Variants in OSBPL10 observed in about 807,000 individuals in gnomAD.
OSBPL10 encodes oxysterol-binding protein-related protein 10.
OSBPL10 carries 49 observed loss-of-function variants against 81.7 expected under a neutral mutation model. The observed-to-expected ratio is 0.60, with a 90% CI of 0.48 to 0.76. The LOEUF (loss-of-function observed/expected upper bound fraction) is 0.76. Ranked by LOEUF, OSBPL10 falls within the 30% of genes least tolerant of loss-of-function variation. OSBPL10 has a pLI of 0.00. For synonymous variants in OSBPL10, 419 were observed against 383.6 expected, an observed-to-expected ratio of 1.09 and a Z score of -1.08; for missense variants, 923 against 987.8, an observed-to-expected ratio of 0.93 and a Z score of 0.88.
chr3:32,072,552 T>C (rs1262999382), intron 1 of OSBPL10, among the ~76,000 whole-genome samples: 1 of 152,220 alleles, frequency 6.6e-6, no homozygotes, highest in Non-Finnish European at 1.5e-5. Context: ...CCATGTAGGT[T>C]ACAAGCTGCT....
chr3:31,919,461 G>T (rs1407710294), intron 1 of OSBPL10: 4 of 152,168 alleles, frequency 2.6e-5, no homozygotes, highest in African/African-American at 9.7e-5. Flanking sequence ...GCAAAGACTG[G>T]AAATCCAACC....
chr3:31,969,384 G>C (rs1319003593), intron 1 of OSBPL10: 1 of 152,146 alleles, frequency 6.6e-6, no homozygotes, highest in Non-Finnish European at 1.5e-5. Context: ...GTTGTCTAAA[G>C]AGAAAGCTCT....
chr3:31,987,104 A>G (rs1698944757), intron 2 of OSBPL10, among the ~76,000 whole-genome samples: 1 of 140,656 alleles, frequency 7.1e-6, no homozygotes, highest in Non-Finnish European at 1.5e-5. Flanking sequence ...GTCCATATAT[A>G]TGTATGTGTA....
chr3:31,792,738 A>AGTGT (rs1491324366), intron 4 of OSBPL10, among the ~76,000 whole-genome samples: 3 of 104,976 alleles, frequency 2.9e-5, no homozygotes, highest in Admixed American at 9.4e-5. Context: ...ATCCAGACAC[A>AGTGT]GAGTGTGTGT....
At chr3:31,869,757 G>C (rs1701273118) in intron 3 of OSBPL10, among the ~76,000 whole-genome samples, 1 of 152,138 alleles carries the variant, frequency 6.6e-6, no homozygotes, top group African/African-American at 2.4e-5. Flanking sequence ...CTGTCATTTA[G>C]GTTCAGTTGG....
chr3:31,666,158 G>A (rs946808034), intron 10 of OSBPL10, among the ~76,000 whole-genome samples: 3 of 152,196 alleles, frequency 2.0e-5, no homozygotes, highest in Non-Finnish European at 2.9e-5. Flanking sequence ...GGCAGAGGTC[G>A]AGCAAGTGGC....
intron 6 of OSBPL10, among the ~76,000 whole-genome samples, chr3:31,732,062 A>G (rs1034847345): frequency 1.3e-5 from 2 of 152,214 alleles, no homozygotes; most frequent in African/African-American, 2.4e-5. Flanking sequence ...AGGATCTAAA[A>G]AATGATTACT....
At chr3:31,775,836 T>C (rs1415526384) in intron 4 of OSBPL10, among the ~76,000 whole-genome samples, 2 of 152,032 alleles carry the variant, frequency 1.3e-5, no homozygotes, top group South Asian at 2.1e-4. Flanking sequence ...GCTGCCACCA[T>C]GTAAGAGGGC....
chr3:31,771,888 GC>G (rs1321252966), intron 4 of OSBPL10, among the ~76,000 whole-genome samples: 1 of 152,140 alleles, frequency 6.6e-6, no homozygotes, highest in Non-Finnish European at 1.5e-5. Flanking sequence ...TTGTTATTGG[GC>G]CGCAAGAATA....
intron 3 of OSBPL10, among the ~76,000 whole-genome samples, chr3:31,871,746 C>T (rs995599196): frequency 6.6e-6 from 1 of 152,144 alleles, no homozygotes; most frequent in Admixed American, 6.5e-5. Flanking sequence ...GCCTGTGGCC[C>T]CAGCTGCTCA....
intron 1 of OSBPL10, among the ~76,000 whole-genome samples, chr3:31,885,226 TCACA>T (rs1173100488): frequency 6.6e-6 from 1 of 152,124 alleles, no homozygotes; most frequent in Non-Finnish European, 1.5e-5. Context: ...TACATGCATC[TCACA>T]CACACTATAC....
chr3:31,792,588 G>A (rs1234606203), intron 4 of OSBPL10, among the ~76,000 whole-genome samples: 1 of 152,136 alleles, frequency 6.6e-6, no homozygotes, highest in Non-Finnish European at 1.5e-5. Flanking sequence ...CTGGGTGGGT[G>A]ATTGGTGTAT....
chr3:31,876,886 A>G (rs2125632753), intron 2 of OSBPL10, among the ~76,000 whole-genome samples: 2 of 150,882 alleles, frequency 1.3e-5, no homozygotes, highest in Admixed American at 1.3e-4. Flanking sequence ...TGTAGCTAAT[A>G]TGAGTATCAA....
intron 4 of OSBPL10, among the ~76,000 whole-genome samples, chr3:31,793,939 T>A (rs1699106835): frequency 1.3e-5 from 2 of 152,232 alleles, no homozygotes; most frequent in Non-Finnish European, 2.9e-5. Flanking sequence ...GACATTGTAT[T>A]AGGCTTTAGA....
At chr3:32,045,223 A>G (rs1246604868) in intron 2 of OSBPL10, among the ~76,000 whole-genome samples, 4 of 152,168 alleles carry the variant, frequency 2.6e-5, no homozygotes, top group Non-Finnish European at 4.4e-5. Context: ...CATCTGGTGC[A>G]GGCATTCTAC....
At chr3:31,943,991 A>AAAAAAAAAAAAAAAAAAAT (rs1195578003) in intron 1 of OSBPL10, among the ~76,000 whole-genome samples, 1 of 150,896 alleles carries the variant, frequency 6.6e-6, no homozygotes, top group Non-Finnish European at 1.5e-5. Context: ...AAAAAAAAAA[A>AAAAAAAAAAAAAAAAAAAT]AAAAGTTCTT....
At chr3:32,002,480 G>A (rs1294068392) in intron 2 of OSBPL10, among the ~76,000 whole-genome samples, 1 of 152,174 alleles carries the variant, frequency 6.6e-6, no homozygotes, top group Non-Finnish European at 1.5e-5. Flanking sequence ...TTAAGTCCTG[G>A]ACTATGAAGC....
At chr3:31,780,323 A>G (rs1023705903) in intron 4 of OSBPL10, among the ~76,000 whole-genome samples, 2 of 152,132 alleles carry the variant, frequency 1.3e-5, no homozygotes, top group Non-Finnish European at 2.9e-5. Flanking sequence ...AACACAATTT[A>G]TCAAAACTTC....
chr3:31,813,866 C>T (rs572907106), intron 4 of OSBPL10, among the ~76,000 whole-genome samples: 1 of 152,072 alleles, frequency 6.6e-6, no homozygotes, highest in Non-Finnish European at 1.5e-5. Flanking sequence ...TGTTGGCATT[C>T]CATAAGTATG....
Sources: allele counts gnomAD v4.1 joint callset (sites outside exome capture counted in the v4.1 genomes callset), GRCh38; gene constraint gnomAD v4.1.1; transcripts MANE v1.5; gene names NCBI Gene and HGNC (gene_info 2026-07-23, HGNC 2026-07-21).